The following XYLB variants were observed in gnomAD, a reference collection of about 807,000 sequenced individuals.
XYLB encodes xylulokinase, also known as xylulose kinase.
In XYLB, 62 loss-of-function variants were observed where a neutral mutation model predicts 78.7. That is an observed-to-expected ratio of 0.79 (90% CI 0.64 to 0.97). The LOEUF is 0.97. Ranked by LOEUF, XYLB falls within the 50% of genes least tolerant of loss-of-function variation. The pLI is 0.00. For missense variants in XYLB, 687 were observed against 676.8 expected (o/e 1.02, Z -0.17); for synonymous variants, 245 against 247.4 (o/e 0.99, Z 0.09).
intron 2 of XYLB, among the ~76,000 whole-genome samples, chr3:38,353,842 G>A (rs940554450): frequency 2.0e-5 from 3 of 147,130 alleles, no homozygotes; most frequent in South Asian, 2.2e-4. Context: ...AGCTGAGATT[G>A]TGCCACTGCA....
chr3:38,441,627 C>T, the XYLB span, among the ~76,000 whole-genome samples: 19 of 151,956 alleles, frequency 1.3e-4, no homozygotes, highest in African/African-American at 2.7e-4. Flanking sequence ...GTATCTAAGC[C>T]GGTGGTTGTC....
At chr3:38,434,995 C>T in the XYLB span, among the ~76,000 whole-genome samples, 7 of 152,040 alleles carry the variant, frequency 4.6e-5, no homozygotes, top group South Asian at 4.1e-4. Flanking sequence ...AAATTAGCTA[C>T]GTGTGGTGGT....
the XYLB span, among the ~76,000 whole-genome samples, chr3:38,443,074 C>T: frequency 2.6e-5 from 4 of 152,184 alleles, no homozygotes; most frequent in African/African-American, 9.7e-5. Flanking sequence ...CAAAGTCTCC[C>T]AATTACAATT....
At position 38,353,883 on chromosome 3, in the gene XYLB, T is replaced by TAA. The variant is rs1327476781; in HGVS notation, c.140+5252_140+5253insAA. On this transcript the variant is annotated intron_variant, in intron 2 of 18. Coordinates refer to ENST00000207870, the MANE Select transcript of XYLB (RefSeq NM_005108.4). The stretch of plus-strand genomic sequence containing the variant: ...GCCTGGGTGACAAAGTGAGACTCCA[T>TAA]ATAAAAAAAAAAAAAAAAAGAAGTC... Among the ~76,000 whole-genome samples, 179 of 37,104 alleles carry TAA rather than the reference T, an allele frequency of 4.8e-3. 2 individuals are homozygous for TAA. The highest frequency in any genetic ancestry group is 8.6e-3 in the African/African-American group (131 of 15,294). 24.3% of individuals were successfully genotyped at this position (37,104 alleles called of 152,430 possible). A position where few individuals can be genotyped will look rare whatever the true frequency, so the allele number is the denominator to read the frequency against.
chr3:38,380,889 T>A (rs1476611019), intron 15 of XYLB, among the ~76,000 whole-genome samples: 2 of 152,152 alleles, frequency 1.3e-5, no homozygotes, highest in Admixed American at 1.3e-4. Flanking sequence ...ATGAAATGGG[T>A]GAATCTCACC....
chr3:38,397,250 C>T, intron 17 of XYLB, 91 bp downstream of exon 17: 3 of 1,243,580 alleles, frequency 2.4e-6, no homozygotes, highest in South Asian at 1.2e-5. Flanking sequence ...GAGGTGTACC[C>T]AGTCTTTGGG....
chr3:38,441,309 A>C, the XYLB span, among the ~76,000 whole-genome samples: 2 of 152,242 alleles, frequency 1.3e-5, no homozygotes, highest in South Asian at 2.1e-4. Context: ...AAGTGCCACT[A>C]GTTCTACTAA....
intron 18 of XYLB, among the ~76,000 whole-genome samples, chr3:38,409,041 C>T (rs1272123749): frequency 1.3e-5 from 2 of 152,156 alleles, no homozygotes; most frequent in Non-Finnish European, 2.9e-5. Context: ...TTTTATAAGG[C>T]CAGCAGCATC....
Position 38,366,864 on chromosome 3 carries a change from A to C in XYLB, c.564A>C (p.Ser188=), listed in dbSNP as rs1299226720. 6.2e-7 allele frequency: 1 copy of C among 1,611,158 alleles called. No homozygotes were observed. Residue 188 remains serine, a synonymous_variant, in exon 7 of 19, where the codon TCA becomes TCC. Transcript: ENST00000207870. ...ACCAGCAGAACCCCGAGGCCTACTCACATACGGAGGTTGGTTAAATGTTCC... is the reference window on the plus strand; with the variant it reads ...ACCAGCAGAACCCCGAGGCCTACTCCCATACGGAGGTTGGTTAAATGTTCC... The part of the protein sequence containing the change: ...KIYQQNPEAY[S]HTERISLVSS...
chr3:38,427,834 C>T, the XYLB span, among the ~76,000 whole-genome samples: 4 of 152,176 alleles, frequency 2.6e-5, no homozygotes, highest in Non-Finnish European at 5.9e-5. Flanking sequence ...TCAAGTGATT[C>T]GTCCACCTTG....
Position 38,413,130 on chromosome 3 carries a change from TC to T in XYLB, c.*119del. 1 of 1,026,768 alleles carries T rather than the reference TC, an allele frequency of 9.7e-7. No homozygotes were observed. 63.6% of individuals were successfully genotyped at this position (1,026,768 alleles called of 1,614,324 possible). On this transcript the variant is annotated 3_prime_UTR_variant, in exon 19 of 19. Coordinates refer to ENST00000207870, the MANE Select transcript of XYLB (RefSeq NM_005108.4). ...AACAGCTCTTCCTGCCCCTACTGAC[TC>T]CTTGGAGTGTCCAGGACCATCTTAA...
At chr3:38,389,796 C>G (rs778009867) in intron 15 of XYLB, among the ~76,000 whole-genome samples, 1 of 152,214 alleles carries the variant, frequency 6.6e-6, no homozygotes, top group Admixed American at 6.5e-5. Flanking sequence ...CCCACTTCCA[C>G]ATCACTGCTT....
At chr3:38,420,181 T>C (rs1708932889) in exon 18 of XYLB, among the ~76,000 whole-genome samples, 1 of 152,220 alleles carries the variant, frequency 6.6e-6, no homozygotes, top group African/African-American at 2.4e-5. Flanking sequence ...TTACTAGTTA[T>C]GGTAGTATTT....
chr3:38,435,985 G>C, the XYLB span, among the ~76,000 whole-genome samples: 1 of 151,998 alleles, frequency 6.6e-6, no homozygotes, highest in Non-Finnish European at 1.5e-5. Context: ...AAAATAGAAA[G>C]ATCACAAGTT....
chr3:38,401,353 C>G (rs1708117683), intron 18 of XYLB, among the ~76,000 whole-genome samples: 1 of 149,242 alleles, frequency 6.7e-6, no homozygotes, highest in Non-Finnish European at 1.5e-5. Context: ...GATAGCTGTG[C>G]AGTCACCCAG....
At chr3:38,365,487 C>A in intron 5 of XYLB, 121 bp from the exon 6 acceptor site, 1 of 1,509,688 alleles carries the variant, frequency 6.6e-7, no homozygotes, top group South Asian at 1.3e-5. Flanking sequence ...GTGTCTCCAA[C>A]CAAGGTCACC....
downstream of XYLB, among the ~76,000 whole-genome samples, chr3:38,426,122 C>T (rs771544444): frequency 2.0e-5 from 3 of 152,264 alleles, no homozygotes; most frequent in Non-Finnish European, 4.4e-5. Context: ...GCTACTGCCG[C>T]GGCAGCTGGA....
At chr3:38,372,941 A>T (rs1357450485) in intron 10 of XYLB, among the ~76,000 whole-genome samples, 8 of 150,678 alleles carry the variant, frequency 5.3e-5, no homozygotes, top group African/African-American at 2.0e-4. Flanking sequence ...CTGCGATCTG[A>T]CTCCTTGTAC....
chr3:38,346,961 T>G, intron 1 of XYLB, 36 bp downstream of exon 1: 3 of 1,421,440 alleles, frequency 2.1e-6, no homozygotes, highest in Non-Finnish European at 1.8e-6. Context: ...CGGGGCCGCC[T>G]CCTCCGCTTC....
Sources: allele counts gnomAD v4.1 joint callset (sites outside exome capture counted in the v4.1 genomes callset), GRCh38; gene constraint gnomAD v4.1.1; transcripts MANE v1.5; gene names NCBI Gene and HGNC (gene_info 2026-07-23, HGNC 2026-07-21).